The following CDCA2 variants were observed in gnomAD, a reference collection of about 807,000 sequenced individuals.
CDCA2 encodes the protein cell division cycle-associated protein 2.
Under a neutral mutation model 67.0 loss-of-function variants are expected in CDCA2, and 44 were observed. The observed-to-expected ratio is 0.66, with a 90% CI of 0.52 to 0.84. The LOEUF (loss-of-function observed/expected upper bound fraction) is 0.84, where lower values mean the gene tolerates loss of function less well. CDCA2 is among the 40% of genes least tolerant of loss of function. CDCA2 has a pLI of 0.00. For synonymous variants in CDCA2, 447 were observed against 418.7 expected, an observed-to-expected ratio of 1.07 and a Z score of -0.82; for missense variants, 1,253 against 1,203.2, an observed-to-expected ratio of 1.04 and a Z score of -0.61.
rs572049652 is a variant in CDCA2 at position 25,461,544 on chromosome 8, T to TAA, written c.233-507_233-506dup. 1.5e-4 allele frequency among the ~76,000 whole-genome samples: 23 copies of TAA among 152,290 alleles called. No individual in the cohort carries two copies. The South Asian group carries it at 4.8e-3, about 32-fold the overall frequency. ...CTCAAAAACATCACTCTTAGACCTT[T>TAA]AAAAGGCTGGATTCATTTTGTGTGC... On this transcript the variant is annotated intron_variant, in intron 3 of 14. Transcript: ENST00000330560.
chr8:25,482,914 A>G (rs1586496819), intron 8 of CDCA2, among the ~76,000 whole-genome samples: 1 of 152,288 alleles, frequency 6.6e-6, no homozygotes, highest in East Asian at 1.9e-4. Context: ...TGACATTTAC[A>G]TTGTATTAGG....
intron 4 of CDCA2, among the ~76,000 whole-genome samples, chr8:25,464,749 C>A (rs767956373): frequency 2.0e-5 from 3 of 152,168 alleles, no homozygotes; most frequent in Non-Finnish European, 2.9e-5. Flanking sequence ...AATTTGAGAT[C>A]ATCTTTTCCC....
Position 25,462,098 on chromosome 8 carries a change from G to A in CDCA2, c.277G>A (p.Val93Ile), listed in dbSNP as rs750957761. Residue 93 changes from valine (V) to isoleucine (I), a missense_variant, in exon 4 of 15, where the codon GTC (valine) becomes ATC (isoleucine). Physicochemically the swap from Val to Ile is conservative, Grantham distance 29. Transcript: ENST00000330560. ...TAAAAAATGTAGACGACGTTCTGCA[G>A]TCGGTGCTCGGGGCTCTCCTGAAAC... is the stretch of plus-strand genomic sequence containing the variant. ...YLKKCRRRSA[V>I]GARGSPETNH... 1.7e-5 allele frequency: 27 copies of A among 1,614,074 alleles called. No homozygotes were observed. The highest frequency in any genetic ancestry group is 2.2e-5 in the East Asian group (1 of 44,894).
intron 12 of CDCA2, among the ~76,000 whole-genome samples, chr8:25,487,786 G>A (rs1179297568): frequency 6.6e-6 from 1 of 152,032 alleles, no homozygotes; most frequent in Non-Finnish European, 1.5e-5. Context: ...AACCTATAAG[G>A]TGATAGTGTG....
Position 25,493,025 on chromosome 8 carries a change from T to A in CDCA2, c.1671+4336T>A, listed in dbSNP as rs577880751. ...GTAAAACAGTGGTGGAAATGGATGT[T>A]AGAAGCTTCTGAATCTTAATGAATT... On this transcript the variant is annotated intron_variant, in intron 13 of 14. Coordinates refer to ENST00000330560, the MANE Select transcript of CDCA2 (RefSeq NM_152562.4). 2.0e-5 allele frequency among the ~76,000 whole-genome samples: 3 copies of A among 152,310 alleles called. No individual in the cohort carries two copies. In the South Asian group the frequency reaches 6.2e-4, roughly 32 times the overall value.
chr8:25,460,325 G>A lies in CDCA2; in HGVS notation c.61+25G>A, dbSNP rs767134276. On this transcript the variant is annotated intron_variant, in intron 2 of 14. Transcript: ENST00000330560. ...GGTATGTGATGATCTGCCTCCTTGT[G>A]AAGTTGAAGGTTTAGACAGAGAGTT... The A allele has an allele frequency of 5.6e-6, 9 of 1,613,982 alleles. No individual in the cohort carries two copies. In the African/African-American group the frequency reaches 1.1e-4, roughly 19 times the overall value.
At chr8:25,473,051 C>A (rs921810053) in intron 7 of CDCA2, among the ~76,000 whole-genome samples, 3 of 152,192 alleles carry the variant, frequency 2.0e-5, no homozygotes, top group Non-Finnish European at 4.4e-5. Flanking sequence ...CTATTCAACT[C>A]TTTACTTCAA....
intron 13 of CDCA2, among the ~76,000 whole-genome samples, chr8:25,492,087 C>T (rs142188363): frequency 3.6e-4 from 54 of 151,796 alleles, no homozygotes; most frequent in African/African-American, 1.2e-3. Flanking sequence ...TGAGCCACCA[C>T]GCCTGGCTGG....
At chr8:25,498,805 A>T (rs1305216499) in intron 13 of CDCA2, among the ~76,000 whole-genome samples, 4 of 152,120 alleles carry the variant, frequency 2.6e-5, no homozygotes. Flanking sequence ...ACCCAAATGG[A>T]GTCATGTACT....
chr8:25,465,926 G>T (rs531921897), intron 4 of CDCA2, among the ~76,000 whole-genome samples: 11 of 152,122 alleles, frequency 7.2e-5, no homozygotes, highest in Non-Finnish European at 1.2e-4. Flanking sequence ...ATCCCAGAGC[G>T]CAATGTTTTT....
At position 25,488,624 on chromosome 8, in the gene CDCA2, A is replaced by C; in HGVS notation, c.1606A>C (p.Lys536Gln). The C allele has an allele frequency of 6.2e-7, 1 of 1,613,338 alleles. No individual in the cohort carries two copies. The highest frequency in any genetic ancestry group is 8.5e-7 in the Non-Finnish European group (1 of 1,179,760). The stretch of plus-strand genomic sequence containing the variant: ...AGAAGTTCAGCCTTGTAAAGAAAAG[A>C]AAATTAATAGGAGGAAGTCTCAAGA... ...NTEVQPCKEK[K>Q]INRRKSQETK... Residue 536 changes from lysine (K) to glutamine (Q), a missense_variant, in exon 13 of 15, where the codon AAA becomes CAA. By Grantham distance (53) the Lys-to-Gln change is moderately conservative. Coordinates refer to ENST00000330560, the MANE Select transcript of CDCA2 (RefSeq NM_152562.4).
At position 25,485,766 on chromosome 8, in the gene CDCA2, T is replaced by C. The variant is rs376798913; in HGVS notation, c.1373T>C (p.Ile458Thr). 8 of 1,601,016 alleles carry C rather than the reference T, an allele frequency of 5.0e-6. No homozygotes were observed. Among genetic ancestry groups the C allele is most frequent in the African/African-American group, 1.3e-5 (1 of 74,582 alleles). Residue 458 changes from isoleucine (I) to threonine (T), a missense_variant, in exon 11 of 15, where the codon ATA becomes ACA. By Grantham distance (89) the Ile-to-Thr change is moderately conservative (BLOSUM62 -1). Transcript: ENST00000330560. ...GTCTTTTCCTTTGTTTAGGAAAACA[T>C]AGAACCACTTCAAGTATCATTTGCC... Reference protein sequence around the residue: ...FDDKGENLENIEPLQVSFAVL... With the variant: ...FDDKGENLENTEPLQVSFAVL...
chr8:25,501,439 C>G (rs1478750691), intron 13 of CDCA2, among the ~76,000 whole-genome samples: 1 of 152,198 alleles, frequency 6.6e-6, no homozygotes, highest in African/African-American at 2.4e-5. Context: ...GCCTTCATTG[C>G]TTTCATTCAA....
At chr8:25,489,863 C>A (rs1482687351) in intron 13 of CDCA2, among the ~76,000 whole-genome samples, 2 of 152,180 alleles carry the variant, frequency 1.3e-5, no homozygotes, top group Non-Finnish European at 2.9e-5. Context: ...ACTTCCTGAT[C>A]TGTAAATCTG....
In CDCA2 at chr8:25,469,919, A is replaced by G. The variant is rs1274443899; in HGVS notation, c.759A>G (p.Thr253=). The G allele has an allele frequency of 1.2e-6, 2 of 1,611,126 alleles. No homozygotes were observed. The highest frequency in any genetic ancestry group is 2.7e-5 in the African/African-American group (2 of 74,880). The change falls in exon 7 of 15, where the codon ACA becomes ACG. Residue 253 remains threonine, a synonymous_variant. Coordinates refer to ENST00000330560, the MANE Select transcript of CDCA2 (RefSeq NM_152562.4). ...LSEISSKLGS[T]QSGFLVEESL... Reference sequence around the variant, plus strand: ...AGATATCATCTAAACTTGGTTCAACACAGTCTGGATTTTTAGTTGAAGAGT... The same window carrying G: ...AGATATCATCTAAACTTGGTTCAACGCAGTCTGGATTTTTAGTTGAAGAGT...
At chr8:25,499,983 G>A (rs1324108223) in intron 13 of CDCA2, among the ~76,000 whole-genome samples, 1 of 152,184 alleles carries the variant, frequency 6.6e-6, no homozygotes, top group Non-Finnish European at 1.5e-5. Context: ...TCTGCCAGAT[G>A]TATTTTCAGG....
chr8:25,488,629 T>C lies in CDCA2; in HGVS notation c.1611T>C (p.Ile537=). Residue 537 remains isoleucine, a synonymous_variant, in exon 13 of 15, where the codon ATT becomes ATC. Transcript: ENST00000330560. ...TEVQPCKEKK[I]NRRKSQETKC... ...TTCAGCCTTGTAAAGAAAAGAAAAT[T>C]AATAGGAGGAAGTCTCAAGAAACAA... 2.5e-6 allele frequency: 4 copies of C among 1,612,830 alleles called. No homozygotes were observed. Among genetic ancestry groups the C allele is most frequent in the African/African-American group, 1.3e-5 (1 of 74,952 alleles).
chr8:25,478,886 G>GTATA (rs772237376), intron 7 of CDCA2, among the ~76,000 whole-genome samples: 122 of 119,798 alleles, frequency 1.0e-3, no homozygotes, highest in Middle Eastern at 9.1e-3. Flanking sequence ...TGTTGTGTGT[G>GTATA]TGTATATATA....
Position 25,483,500 on chromosome 8 carries a change from A to G in CDCA2, c.1120+14A>G. The G allele has an allele frequency of 6.3e-7, 1 of 1,578,338 alleles. No individual in the cohort carries two copies. The highest frequency in any genetic ancestry group is 8.7e-7 in the Non-Finnish European group (1 of 1,153,118). ...AGAAAGAAGCAGGTAAGAAATTCAT[A>G]CTTGTTTTTAAGCTTGAGGATATCA... On this transcript the variant is annotated intron_variant, in intron 9 of 14. Coordinates refer to ENST00000330560, the MANE Select transcript of CDCA2 (RefSeq NM_152562.4).
Sources: gnomAD v4.1 joint callset for allele counts (sites outside exome capture counted in the v4.1 genomes callset) on GRCh38, gnomAD v4.1.1 for gene constraint, MANE v1.5 for transcripts, NCBI Gene and HGNC (gene_info 2026-07-23, HGNC 2026-07-21) for gene names.